Variants in USP20 observed in about 807,000 individuals in gnomAD.
USP20 encodes the protein ubiquitin specific peptidase 20, also known as ubiquitin carboxyl-terminal hydrolase 20.
USP20 carries 80 observed loss-of-function variants against 124.2 expected under a neutral mutation model. The observed-to-expected ratio is 0.64, with a 90% CI of 0.54 to 0.78. The LOEUF (loss-of-function observed/expected upper bound fraction) is 0.78, where lower values mean the gene tolerates loss of function less well. USP20 is among the 30% of genes least tolerant of loss of function. The pLI is 0.00. For missense variants in USP20, 1,043 were observed against 1,244.4 expected, an observed-to-expected ratio of 0.84 and a Z score of 2.44; for synonymous variants, 481 against 512.3, an observed-to-expected ratio of 0.94 and a Z score of 0.83.
chr9:129,857,249 C>T (rs57460471), intron 4 of USP20, among the ~76,000 whole-genome samples: 10,648 of 152,228 alleles, frequency 0.07, 470 homozygotes, highest in Non-Finnish European at 0.099. Context: ...ATGTTATCTC[C>T]TGGGCTGTTA....
Position 129,875,414 on chromosome 9 carries a change from A to G in USP20, c.2153A>G (p.Asn718Ser). ...TTCTACGTGTCCCGCGAGTGGCTCA[A>G]CAAGTTCAACACCTTCGCGGAGCCA... ...LRFYVSREWL[N>S]KFNTFAEPGP... The change falls in exon 20 of 26, where the codon AAC becomes AGC. Residue 718 changes from asparagine (N) to serine (S), a missense_variant. By Grantham distance (46) the Asn-to-Ser change is conservative (BLOSUM62 1). Coordinates refer to ENST00000372429, the MANE Select transcript of USP20 (RefSeq NM_001110303.4). 3 of 1,613,734 alleles carry G rather than the reference A, an allele frequency of 1.9e-6. No homozygotes were observed. The highest frequency in any genetic ancestry group is 1.7e-6 in the Non-Finnish European group (2 of 1,179,958).
intron 1 of USP20, among the ~76,000 whole-genome samples, chr9:129,838,727 G>A (rs768004273): frequency 6.6e-6 from 1 of 152,204 alleles, no homozygotes; most frequent in Admixed American, 6.5e-5. Flanking sequence ...TCTAATGTGA[G>A]TTTTTTCTAA....
chr9:129,838,396 A>T (rs1250675782), intron 1 of USP20, among the ~76,000 whole-genome samples: 2 of 152,208 alleles, frequency 1.3e-5, no homozygotes, highest in African/African-American at 4.8e-5. Context: ...TCCAGTGAGC[A>T]GTCATGGCTC....
rs1174292633 is a variant in USP20 at position 129,839,048 on chromosome 9, G to A, written c.-129+3549G>A. Among the ~76,000 whole-genome samples the A allele has an allele frequency of 6.6e-6, 1 of 152,196 alleles. No individual in the cohort carries two copies. The highest frequency in any genetic ancestry group is 6.5e-5 in the Admixed American group (1 of 15,282). ...TGGAGTACGCGTGTTTGGATTTGGGGAGGTGAAGGTCGTCCCCATGCCAGG... is the reference window on the plus strand; with the variant it reads ...TGGAGTACGCGTGTTTGGATTTGGGAAGGTGAAGGTCGTCCCCATGCCAGG... On this transcript the variant is annotated intron_variant, in intron 1 of 25. Coordinates refer to ENST00000372429, the MANE Select transcript of USP20 (RefSeq NM_001110303.4). The surrounding 1 kb of genome is among the most constrained non-coding windows in gnomAD (Gnocchi z 4.5).
chr9:129,852,884 G>A (rs566995600), intron 3 of USP20, among the ~76,000 whole-genome samples: 3 of 152,104 alleles, frequency 2.0e-5, no homozygotes, highest in Non-Finnish European at 4.4e-5. Context: ...TAGCTGTTGG[G>A]GCGGTGCACA....
At chr9:129,837,254 G>A (rs13284756) in intron 1 of USP20, among the ~76,000 whole-genome samples, 1 of 152,006 alleles carries the variant, frequency 6.6e-6, no homozygotes, top group Non-Finnish European at 1.5e-5. Flanking sequence ...AGGACCCTCC[G>A]AGAAATACAG....
At position 129,868,258 on chromosome 9, in the gene USP20, A is replaced by G. The variant is rs754946204; in HGVS notation, c.944A>G (p.Asp315Gly). 3.7e-5 allele frequency: 59 copies of G among 1,613,866 alleles called. No individual in the cohort carries two copies. The highest frequency in any genetic ancestry group is 8.3e-5 in the Admixed American group (5 of 60,000). ...GCCGAGACGGAGCTGCTGATCCCAG[A>G]TGAGGCGGGCCGAGCCATCTCTGAG... ...SQAETELLIP[D>G]EAGRAISEKE... Residue 315 changes from aspartate to glycine, a missense_variant, in exon 11 of 26, where the codon GAT becomes GGT. Asp to Gly is a moderately conservative substitution (Grantham distance 94, BLOSUM62 -1). Transcript: ENST00000372429.
At chr9:129,878,673 C>T (rs2034512275) in intron 23 of USP20, among the ~76,000 whole-genome samples, 1 of 152,220 alleles carries the variant, frequency 6.6e-6, no homozygotes, top group Non-Finnish European at 1.5e-5. Context: ...CCCTTCTCCA[C>T]TCCCTGCCAT....
intron 15 of USP20, among the ~76,000 whole-genome samples, chr9:129,871,070 C>T (rs952987531): frequency 6.6e-6 from 1 of 152,084 alleles, no homozygotes; most frequent in East Asian, 1.9e-4. Flanking sequence ...AGTGCACAGT[C>T]GAGTAGTGTT....
intron 22 of USP20, among the ~76,000 whole-genome samples, 192 bp downstream of exon 22, chr9:129,876,430 G>C (rs1194866843): frequency 6.6e-6 from 1 of 152,168 alleles, no homozygotes; most frequent in Non-Finnish European, 1.5e-5. Context: ...CTTGAGGTCA[G>C]GAGTTTGAAA....
Position 129,869,684 on chromosome 9 carries a change from G to T in USP20, c.1405G>T (p.Val469Leu). ...CLTCDRVSTTVETFQDLSLPI... is the reference protein window; with the variant it reads ...CLTCDRVSTTLETFQDLSLPI... ...TTCAACCCCACAGGTATCCACCACA[G>T]TGGAAACGTTCCAGGACTTATCACT... The change falls in exon 14 of 26, where the codon GTG becomes TTG. Residue 469 changes from valine (V) to leucine (L), a missense_variant. Physicochemically the swap from Val to Leu is conservative, Grantham distance 32 (BLOSUM62 1). Coordinates refer to ENST00000372429, the MANE Select transcript of USP20 (RefSeq NM_001110303.4). 2 of 1,614,098 alleles carry T rather than the reference G, an allele frequency of 1.2e-6. No individual in the cohort carries two copies. The highest frequency in any genetic ancestry group is 1.7e-6 in the Non-Finnish European group (2 of 1,180,020).
chr9:129,840,902 C>G (rs924810903), intron 1 of USP20, among the ~76,000 whole-genome samples: 1 of 151,850 alleles, frequency 6.6e-6, no homozygotes, highest in African/African-American at 2.4e-5. Flanking sequence ...TCCCGAGTAG[C>G]TGGGACTACA....
intron 3 of USP20, among the ~76,000 whole-genome samples, chr9:129,853,376 T>C (rs1444027622): frequency 6.6e-6 from 1 of 152,230 alleles, no homozygotes; most frequent in Non-Finnish European, 1.5e-5. Flanking sequence ...TGAAGCTGCA[T>C]CATATTTCAT....
intron 3 of USP20, among the ~76,000 whole-genome samples, chr9:129,855,418 G>A (rs995391607): frequency 3.1e-4 from 44 of 140,000 alleles, no homozygotes; most frequent in African/African-American, 6.4e-4. Flanking sequence ...GTGACAGAGC[G>A]AGACTCCATC....
chr9:129,878,670 C>G (rs2034512046), intron 23 of USP20, among the ~76,000 whole-genome samples: 1 of 152,206 alleles, frequency 6.6e-6, no homozygotes, highest in Non-Finnish European at 1.5e-5. Context: ...CTGCCCTTCT[C>G]CACTCCCTGC....
chr9:129,877,245 A>G (rs1416960418), intron 22 of USP20, among the ~76,000 whole-genome samples: 1 of 152,194 alleles, frequency 6.6e-6, no homozygotes, highest in Non-Finnish European at 1.5e-5. Flanking sequence ...CTGCCTGGGC[A>G]TGGTGGCTCA....
Position 129,869,774 on chromosome 9 carries a change from A to G in USP20, c.1495A>G (p.Lys499Glu). The G allele has an allele frequency of 6.2e-7, 1 of 1,614,054 alleles. No individual in the cohort carries two copies. The highest frequency in any genetic ancestry group is 8.5e-7 in the Non-Finnish European group (1 of 1,180,032). The change falls in exon 14 of 26, where the codon AAG becomes GAG. Residue 499 changes from lysine (K) to glutamate (E), a missense_variant. Physicochemically the swap from Lys to Glu is moderately conservative, Grantham distance 56. Coordinates refer to ENST00000372429, the MANE Select transcript of USP20 (RefSeq NM_001110303.4). The part of the protein sequence containing the change: ...HSAIYQNVPA[K>E]PGACGDSYAA... Reference sequence around the variant, plus strand: ...AGCCATCTACCAGAATGTGCCGGCCAAGCCAGGCGCCTGTGGGGACAGCTA... The same window carrying G: ...AGCCATCTACCAGAATGTGCCGGCCGAGCCAGGCGCCTGTGGGGACAGCTA...
chr9:129,863,574 G>A (rs998207528), intron 9 of USP20, among the ~76,000 whole-genome samples: 29 of 152,298 alleles, frequency 1.9e-4, no homozygotes, highest in Non-Finnish European at 3.1e-4. Context: ...TGACCCTACC[G>A]AGCAGCCACT....
At chr9:129,862,276 G>A (rs1442496712) in intron 8 of USP20, among the ~76,000 whole-genome samples, 1 of 152,220 alleles carries the variant, frequency 6.6e-6, no homozygotes, top group Non-Finnish European at 1.5e-5. Context: ...CACCCAGGCT[G>A]GGCGCAGTAG....
Sources: allele counts gnomAD v4.1 joint callset (sites outside exome capture counted in the v4.1 genomes callset), GRCh38; gene constraint gnomAD v4.1.1; non-coding constraint Gnocchi (gnomAD v3.1); transcripts MANE v1.5; gene names NCBI Gene and HGNC (gene_info 2026-07-23, HGNC 2026-07-21).